OTUD7B: variants seen among roughly 807,000 people sequenced by gnomAD.
The protein encoded by OTUD7B is OTU deubiquitinase 7B.
In OTUD7B, 34 loss-of-function variants were observed where a neutral mutation model predicts 82.2. That is an observed-to-expected ratio of 0.41 (90% confidence interval 0.31 to 0.55). OTUD7B has a LOEUF of 0.55. OTUD7B is among the 20% of genes least tolerant of loss of function. The probability of loss-of-function intolerance (pLI) is 0.20; values close to 1 mark genes in which losing one functional copy is unlikely to be tolerated. For synonymous variants in OTUD7B, 398 were observed against 402.7 expected (o/e 0.99, Z 0.14); for missense variants, 944 against 1,062.1 (o/e 0.89, Z 1.55).
chr1:150,043,916 C>T, the OTUD7B span, among the ~76,000 whole-genome samples: 1 of 152,020 alleles, frequency 6.6e-6, no homozygotes, highest in Non-Finnish European at 1.5e-5. Context: ...CCCAGGAGTT[C>T]AAGACCAGCC....
chr1:149,946,445 T>G (rs1647746981), intron 11 of OTUD7B, among the ~76,000 whole-genome samples: 1 of 151,834 alleles, frequency 6.6e-6, no homozygotes, highest in African/African-American at 2.4e-5. Flanking sequence ...TAACGGTTTT[T>G]AAAAAGCAGG....
chr1:149,946,580 A>G (rs1467156441), intron 11 of OTUD7B, among the ~76,000 whole-genome samples: 27 of 151,286 alleles, frequency 1.8e-4, no homozygotes, highest in Admixed American at 9.2e-4. Flanking sequence ...CGTCTCTACT[A>G]AAAATACAAA....
Position 149,943,789 on chromosome 1 carries a change from G to C in OTUD7B, c.*68C>G, listed in dbSNP as rs1472222178. On this transcript the variant is annotated 3_prime_UTR_variant, in exon 12 of 12. Transcript: ENST00000581312. The stretch of plus-strand genomic sequence containing the variant: ...TTTTCCCCCTCAACATGGGGACTGT[G>C]TTCTTGATGAGCCAATTAGTTGAGC... The C allele has an allele frequency of 6.8e-7, 1 of 1,481,372 alleles. No homozygotes were observed. Among genetic ancestry groups the C allele is most frequent in the Non-Finnish European group, 9.3e-7 (1 of 1,073,372 alleles). The allele number at this position is 1,481,372 out of a possible 1,614,324, so 91.8% of individuals were successfully genotyped here.
At chr1:150,033,261 G>A in the OTUD7B span, among the ~76,000 whole-genome samples, 14 of 151,974 alleles carry the variant, frequency 9.2e-5, no homozygotes, top group African/African-American at 2.9e-4. Flanking sequence ...CTTTTCTGAC[G>A]TTATTGATAT....
chr1:149,963,197 G>C (rs1303110467), intron 6 of OTUD7B: 1 of 151,962 alleles, frequency 6.6e-6, no homozygotes, highest in African/African-American at 2.4e-5. Context: ...AAAGAAAGGT[G>C]GATGAAAAAG....
At chr1:149,972,421 T>A (rs1650003888) in intron 2 of OTUD7B, among the ~76,000 whole-genome samples, 1 of 152,136 alleles carries the variant, frequency 6.6e-6, no homozygotes, top group Admixed American at 6.5e-5. Flanking sequence ...TTCCACTGAC[T>A]ATTCCCTCTA....
At chr1:150,043,024 T>C in the OTUD7B span, among the ~76,000 whole-genome samples, 1 of 152,148 alleles carries the variant, frequency 6.6e-6, no homozygotes, top group Non-Finnish European at 1.5e-5. Context: ...TTCAGAAATG[T>C]ATTCAGAGAT....
At chr1:150,054,809 A>AC in the OTUD7B span, 1 of 26,830 alleles carries the variant, frequency 3.7e-5, no homozygotes, top group African/African-American at 4.0e-4. Context: ...ACTCAGTCTC[A>AC]AAAAAAAAAA....
intron 7 of OTUD7B, among the ~76,000 whole-genome samples, chr1:149,956,742 C>CT (rs1553774629): frequency 1.3e-5 from 2 of 152,186 alleles, no homozygotes; most frequent in African/African-American, 4.8e-5. Flanking sequence ...TCTTTTTACT[C>CT]TTTTTTCTCT....
chr1:149,993,106 G>A (rs998342398), intron 1 of OTUD7B, among the ~76,000 whole-genome samples: 20 of 152,082 alleles, frequency 1.3e-4, no homozygotes, highest in Admixed American at 1.3e-3. Flanking sequence ...AGCTGAGATC[G>A]CACCACTGTA....
At chr1:149,975,472 G>T (rs1438953597) in intron 2 of OTUD7B, among the ~76,000 whole-genome samples, 1 of 152,204 alleles carries the variant, frequency 6.6e-6, no homozygotes, top group African/African-American at 2.4e-5. Context: ...TTGTATGGTG[G>T]TTGTGAGAAT....
At chr1:149,966,169 G>A in intron 4 of OTUD7B, among the ~76,000 whole-genome samples, 1 of 152,180 alleles carries the variant, frequency 6.6e-6, no homozygotes, top group Non-Finnish European at 1.5e-5. Context: ...GTATCTAATG[G>A]GTAGAGGCCA....
rs1571568516 is a variant in OTUD7B at position 149,940,131 on chromosome 1, T to C, written c.*3726A>G. 6.6e-6 allele frequency: 1 copy of C among 152,132 alleles called. No homozygotes were observed. Among genetic ancestry groups the C allele is most frequent in the East Asian group, 1.9e-4 (1 of 5,172 alleles). 9.4% of individuals were successfully genotyped at this position (152,132 alleles called of 1,614,324 possible). A position where few individuals can be genotyped will look rare whatever the true frequency, so the allele number is the denominator to read the frequency against. ...CAGAACACATTCAAAACCAGCTTTATTCTTTTGGGCTCAGTATCACCCCGC... is the reference window on the plus strand; with the variant it reads ...CAGAACACATTCAAAACCAGCTTTACTCTTTTGGGCTCAGTATCACCCCGC... On this transcript the variant is annotated 3_prime_UTR_variant, in exon 12 of 12. Coordinates refer to ENST00000581312, the MANE Select transcript of OTUD7B (RefSeq NM_020205.4).
At chr1:149,968,010 A>C (rs1553776985) in intron 3 of OTUD7B, among the ~76,000 whole-genome samples, 2 of 152,228 alleles carry the variant, frequency 1.3e-5, no homozygotes, top group East Asian at 3.9e-4. Flanking sequence ...ATTATAGAAA[A>C]GAAAATCCTT....
At chr1:150,017,356 G>A in the OTUD7B span, among the ~76,000 whole-genome samples, 1 of 152,330 alleles carries the variant, frequency 6.6e-6, no homozygotes, top group East Asian at 1.9e-4. Context: ...CCCTTGGCAA[G>A]ATTGGGTGTG....
At chr1:149,997,874 G>A (rs748869554) in intron 1 of OTUD7B, among the ~76,000 whole-genome samples, 27 of 152,148 alleles carry the variant, frequency 1.8e-4, no homozygotes, top group South Asian at 6.2e-4. Flanking sequence ...AGTAGAAAGA[G>A]CACTAAACAA....
intron 1 of OTUD7B, among the ~76,000 whole-genome samples, chr1:150,003,566 A>G (rs1316144356): frequency 6.6e-6 from 1 of 152,126 alleles, no homozygotes; most frequent in African/African-American, 2.4e-5. Flanking sequence ...GCATACTTCT[A>G]TCACAGCATC....
chr1:149,951,308 GT>G, intron 7 of OTUD7B, among the ~76,000 whole-genome samples: 1 of 151,528 alleles, frequency 6.6e-6, no homozygotes, highest in East Asian at 1.9e-4. Flanking sequence ...GTTTCACCGT[GT>G]TGGCCAGGAT....
intron 7 of OTUD7B, among the ~76,000 whole-genome samples, chr1:149,953,001 T>A (rs1271732401): frequency 3.3e-5 from 5 of 152,358 alleles, no homozygotes; most frequent in Admixed American, 6.5e-5. Context: ...GTAGGTTGCC[T>A]GTTCACTCTG....
Sources: gnomAD v4.1 joint callset for allele counts (sites outside exome capture counted in the v4.1 genomes callset) on GRCh38, gnomAD v4.1.1 for gene constraint, MANE v1.5 for transcripts, NCBI Gene and HGNC (gene_info 2026-07-23, HGNC 2026-07-21) for gene names.